VAV2: variants seen among roughly 807,000 people sequenced by gnomAD.
The protein encoded by VAV2 is guanine nucleotide exchange factor VAV2.
A neutral mutation model predicts 132.5 loss-of-function variants in VAV2; 67 were observed. That is an observed-to-expected ratio of 0.51 (90% CI 0.42 to 0.62). The LOEUF is 0.62. Ranked by LOEUF, VAV2 falls within the 20% of genes least tolerant of loss-of-function variation. The pLI, the probability that VAV2 is intolerant of heterozygous loss-of-function variation, is 0.00. For synonymous variants in VAV2, 492 were observed against 443.5 expected (o/e 1.11, Z -1.37); for missense variants, 938 against 1,153.6 (o/e 0.81, Z 2.71).
intron 2 of VAV2, among the ~76,000 whole-genome samples, chr9:133,875,392 C>T (rs568974637): frequency 2.0e-4 from 31 of 152,236 alleles, no homozygotes; most frequent in African/African-American, 6.5e-4. Flanking sequence ...ACCCTTCTGC[C>T]GGCTAAGGAG....
chr9:133,871,440 T>TG (rs1838042849), intron 2 of VAV2, among the ~76,000 whole-genome samples: 6 of 138,276 alleles, frequency 4.3e-5, no homozygotes, highest in Non-Finnish European at 7.9e-5. Context: ...ATGGATTGAT[T>TG]GATGGATGGA....
rs563845318 is a variant in VAV2 at position 133,914,965 on chromosome 9, C to G, written c.321+24138G>C. The stretch of plus-strand genomic sequence containing the variant: ...AGCGCCACACCAGTGCTGGGCCAAG[C>G]GGCATCAAACCCAGGACAGCTCGCA... On this transcript the variant is annotated intron_variant, in intron 2 of 29. Transcript: ENST00000371850. Among the ~76,000 whole-genome samples, 5 of 151,964 alleles carry G rather than the reference C, an allele frequency of 3.3e-5. No homozygotes were observed. In the South Asian group the frequency reaches 8.3e-4, roughly 25 times the overall value.
At chr9:133,771,011 G>A (rs1833601192) in intron 26 of VAV2, among the ~76,000 whole-genome samples, 1 of 151,682 alleles carries the variant, frequency 6.6e-6, no homozygotes, top group Non-Finnish European at 1.5e-5. Context: ...AGATGCCAAC[G>A]CTGGTTTCCG....
intron 7 of VAV2, 123 bp from the exon 8 acceptor site, chr9:133,807,449 G>T: frequency 1.0e-6 from 1 of 956,254 alleles, no homozygotes; most frequent in Non-Finnish European, 1.5e-6. Context: ...CATGCTTACT[G>T]GGGTAGCCTG....
chr9:133,987,812 A>G (rs1842903540), intron 1 of VAV2, among the ~76,000 whole-genome samples: 1 of 152,234 alleles, frequency 6.6e-6, no homozygotes, highest in African/African-American at 2.4e-5. Context: ...GCCATACCCA[A>G]TTAGTTTAAT....
intron 29 of VAV2, among the ~76,000 whole-genome samples, chr9:133,765,670 T>C (rs1302298234): frequency 2.0e-5 from 3 of 152,144 alleles, no homozygotes; most frequent in African/African-American, 4.8e-5. Flanking sequence ...GAAGACATGA[T>C]TGGGATGACT....
intron 13 of VAV2, 62 bp downstream of exon 13, chr9:133,791,721 A>C: frequency 2.1e-6 from 3 of 1,445,640 alleles, no homozygotes; most frequent in Non-Finnish European, 2.9e-6. Flanking sequence ...GGGGCTGTGA[A>C]CGTGACTTTA....
Position 133,770,520 on chromosome 9 carries a change from C to A in VAV2, c.2224-19G>T. On this transcript the variant is annotated intron_variant, in intron 26 of 29. Transcript: ENST00000371850. ...CCAACTCCTGCAGGGCGTACACACT[C>A]ACTGACAGCTGCTGCCACCTCCAGG... 6.2e-7 allele frequency: 1 copy of A among 1,611,568 alleles called. No individual in the cohort carries two copies. The highest frequency in any genetic ancestry group is 8.5e-7 in the Non-Finnish European group (1 of 1,178,070).
intron 2 of VAV2, among the ~76,000 whole-genome samples, chr9:133,900,904 T>C (rs1454146450): frequency 6.6e-6 from 1 of 151,936 alleles, no homozygotes; most frequent in East Asian, 1.9e-4. Flanking sequence ...GTTCGTGCAA[T>C]TCTCCTGTCT....
chr9:133,915,163 T>A (rs1011915350), intron 2 of VAV2, among the ~76,000 whole-genome samples: 1 of 152,154 alleles, frequency 6.6e-6, no homozygotes, highest in Non-Finnish European at 1.5e-5. Context: ...TCTGACGCCT[T>A]GACTCTAGTC....
At chr9:133,987,375 G>A (rs1427817712) in intron 1 of VAV2, among the ~76,000 whole-genome samples, 1 of 152,242 alleles carries the variant, frequency 6.6e-6, no homozygotes, top group Non-Finnish European at 1.5e-5. Flanking sequence ...AACCCAAGGA[G>A]GCTGCCAAGG....
chr9:133,920,913 C>T lies in VAV2; in HGVS notation c.321+18190G>A, dbSNP rs766101964. Among the ~76,000 whole-genome samples the T allele has an allele frequency of 2.6e-5, 4 of 152,256 alleles. No individual in the cohort carries two copies. The South Asian group carries it at 6.2e-4, about 24-fold the overall frequency. On this transcript the variant is annotated intron_variant, in intron 2 of 29. Coordinates refer to ENST00000371850, the MANE Select transcript of VAV2 (RefSeq NM_001134398.2). ...TCTAACTCATACCCCTCGGCCCACC[C>T]GCTTCCTGGCTGGCCCTGAGTGCCC...
chr9:133,947,547 A>G (rs1411786123), intron 1 of VAV2, among the ~76,000 whole-genome samples: 2 of 151,902 alleles, frequency 1.3e-5, no homozygotes, highest in African/African-American at 4.8e-5. Flanking sequence ...TAAAAATACA[A>G]AATTAGCCAG....
Position 133,768,345 on chromosome 9 carries a change from G to T in VAV2, c.2589+97C>A. 6.7e-7 allele frequency: 1 copy of T among 1,495,236 alleles called. No individual in the cohort carries two copies. The highest frequency in any genetic ancestry group is 1.3e-5 in the South Asian group (1 of 78,678). 92.6% of individuals were successfully genotyped at this position (1,495,236 alleles called of 1,614,324 possible). The stretch of plus-strand genomic sequence containing the variant: ...GCAGAGGGTGTCTGGAACAGGGCCT[G>T]GGGTGTGGACATAGGTGTGGTGCTA... On this transcript the variant is annotated intron_variant, in intron 29 of 29. Coordinates refer to ENST00000371850, the MANE Select transcript of VAV2 (RefSeq NM_001134398.2). The surrounding 1 kb of genome is among the most constrained non-coding windows in gnomAD (Gnocchi z 5.3).
intron 2 of VAV2, among the ~76,000 whole-genome samples, chr9:133,893,983 A>G (rs185310608): frequency 2.6e-5 from 4 of 152,242 alleles, no homozygotes; most frequent in African/African-American, 9.6e-5. Context: ...AGGCTCGGGG[A>G]GAAGGAAGAC....
At chr9:133,771,230 ATTTTTGTAT>A (rs947540432) in intron 26 of VAV2, among the ~76,000 whole-genome samples, 4 of 152,044 alleles carry the variant, frequency 2.6e-5, no homozygotes, top group African/African-American at 9.6e-5. Flanking sequence ...TGCCCGGCTA[ATTTTTGTAT>A]TTTTTGTAGA....
chr9:133,847,413 G>A (rs555818486), intron 3 of VAV2, among the ~76,000 whole-genome samples: 3 of 152,338 alleles, frequency 2.0e-5, no homozygotes, highest in African/African-American at 7.2e-5. Flanking sequence ...CAGGGGTTGA[G>A]GCCTGCCTCA....
intron 2 of VAV2, among the ~76,000 whole-genome samples, chr9:133,875,141 C>G (rs1275585734): frequency 6.6e-6 from 1 of 152,186 alleles, no homozygotes; most frequent in African/African-American, 2.4e-5. Context: ...TTCACTGCCC[C>G]CAAGCTCTGA....
intron 7 of VAV2, 70 bp from the exon 8 acceptor site, chr9:133,807,396 G>A: frequency 2.0e-6 from 3 of 1,498,170 alleles, no homozygotes; most frequent in Non-Finnish European, 1.8e-6. Flanking sequence ...CAGCTGCCAG[G>A]GGAGGGTCCC....
Sources: gnomAD v4.1 joint callset for allele counts (sites outside exome capture counted in the v4.1 genomes callset) on GRCh38, gnomAD v4.1.1 for gene constraint, Gnocchi (gnomAD v3.1) non-coding constraint, MANE v1.5 for transcripts, NCBI Gene and HGNC (gene_info 2026-07-23, HGNC 2026-07-21) for gene names.